Variants in UBXN7 observed in about 807,000 individuals in gnomAD.
UBXN7 encodes UBX domain protein 7, also known as UBX domain-containing protein 7.
In UBXN7, 9 loss-of-function variants were observed where a neutral mutation model predicts 58.0. The observed-to-expected ratio is 0.16, with a 90% CI of 0.09 to 0.27. The LOEUF (loss-of-function observed/expected upper bound fraction) is 0.27. Ranked by LOEUF, UBXN7 falls within the 10% of genes least tolerant of loss-of-function variation. The probability of loss-of-function intolerance (pLI) is 1.00; values close to 1 mark genes in which losing one functional copy is unlikely to be tolerated. For synonymous variants in UBXN7, 208 were observed against 205.0 expected (o/e 1.01, Z -0.12); for missense variants, 328 against 599.6 (o/e 0.55, Z 4.73).
rs994298154 is a variant in UBXN7, at chr3:196,348,706, A to C, written c.*7979T>G. 2 of 152,138 alleles carry C rather than the reference A, an allele frequency of 1.3e-5. No homozygotes were observed. The highest frequency in any genetic ancestry group is 6.6e-5 in the Admixed American group (1 of 15,256). The allele number at this position is 152,138 out of a possible 1,614,324, so 9.4% of individuals were successfully genotyped here. On this transcript the variant is annotated 3_prime_UTR_variant, in exon 11 of 11. Coordinates refer to ENST00000296328, the MANE Select transcript of UBXN7 (RefSeq NM_015562.2). Reference sequence around the variant, plus strand: ...TTTCATTCCTTGATTAACTTCTCTGAGTAAGATGTAAAGTGAGGTTTGGAA... The same window carrying C: ...TTTCATTCCTTGATTAACTTCTCTGCGTAAGATGTAAAGTGAGGTTTGGAA...
intron 5 of UBXN7, among the ~76,000 whole-genome samples, chr3:196,376,786 T>C (rs2108836838): frequency 6.6e-6 from 1 of 152,094 alleles, no homozygotes; most frequent in African/African-American, 2.4e-5. Flanking sequence ...TGGCTCACAC[T>C]GGTAATCTCA....
intron 10 of UBXN7, among the ~76,000 whole-genome samples, chr3:196,360,891 T>C (rs1052729512): frequency 6.6e-6 from 1 of 152,128 alleles, no homozygotes; most frequent in African/African-American, 2.4e-5. Context: ...TGTGGTGATC[T>C]ACTCAGGAGG....
At chr3:196,389,066 C>T (rs1729497792) in intron 5 of UBXN7, among the ~76,000 whole-genome samples, 1 of 152,146 alleles carries the variant, frequency 6.6e-6, no homozygotes, top group Non-Finnish European at 1.5e-5. Context: ...TGCTTTTTCA[C>T]TCCAAAGTGA....
At chr3:196,431,761 T>G in intron 1 of UBXN7, 1 of 442,820 alleles carries the variant, frequency 2.3e-6, no homozygotes, top group South Asian at 1.6e-5. Flanking sequence ...CCCCGTGAAG[T>G]GTAAAGGCAC....
At chr3:196,432,239 G>A (rs1226818095) in intron 1 of UBXN7, 88 bp downstream of exon 1, 2 of 1,542,900 alleles carry the variant, frequency 1.3e-6, no homozygotes, top group African/African-American at 1.4e-5. Context: ...CCCGAAGGAG[G>A]AATGCCTGAA....
rs1245305395 is a variant in UBXN7 at position 196,353,550 on chromosome 3, C to A, written c.*3135G>T. ...TCGCCCAGGCTGGAGTGTAATGGTG[C>A]GATCTTGGCTCACTGCAACCTCTGC... On this transcript the variant is annotated 3_prime_UTR_variant, in exon 11 of 11. Transcript: ENST00000296328. The A allele has an allele frequency of 1.3e-5, 2 of 149,494 alleles. No homozygotes were observed. The highest frequency in any genetic ancestry group is 6.7e-5 in the Admixed American group (1 of 14,902). 9.3% of individuals were successfully genotyped at this position (149,494 alleles called of 1,614,324 possible). A position where few individuals can be genotyped will look rare whatever the true frequency, so the allele number is the denominator to read the frequency against.
rs560947368 is a variant in UBXN7 at position 196,359,069 on chromosome 3, T to C, written c.1309-2223A>G. 3.9e-5 allele frequency among the ~76,000 whole-genome samples: 6 copies of C among 152,274 alleles called. No homozygotes were observed. In the South Asian group the frequency reaches 1.2e-3, roughly 32 times the overall value. On this transcript the variant is annotated intron_variant, in intron 10 of 10. Coordinates refer to ENST00000296328, the MANE Select transcript of UBXN7 (RefSeq NM_015562.2). ...TTCCAACGCCCTGTTTCATTGTGCT[T>C]CAAGTTACTGAAGGTCTGCGGCAAC...
chr3:196,392,155 T>C (rs1179918857), intron 4 of UBXN7, among the ~76,000 whole-genome samples: 4 of 152,144 alleles, frequency 2.6e-5, no homozygotes, highest in Non-Finnish European at 5.9e-5. Context: ...GAAAATTAAC[T>C]GAAAATATTC....
intron 3 of UBXN7, among the ~76,000 whole-genome samples, chr3:196,394,159 A>C (rs780854413): frequency 1.3e-5 from 2 of 152,016 alleles, no homozygotes; most frequent in Non-Finnish European, 1.5e-5. Flanking sequence ...GTGATGGTGC[A>C]TGCCTGTAAT....
intron 10 of UBXN7, 146 bp downstream of exon 10, chr3:196,361,698 G>C (rs1393514670): frequency 3.1e-6 from 2 of 645,502 alleles, no homozygotes; most frequent in Non-Finnish European, 5.1e-6. Context: ...TAAGTTATGT[G>C]CTTTTTTTTA....
chr3:196,426,854 A>G (rs2108627825), intron 1 of UBXN7, among the ~76,000 whole-genome samples: 1 of 152,144 alleles, frequency 6.6e-6, no homozygotes, highest in Middle Eastern at 3.4e-3. Context: ...TCTCAAAAAA[A>G]AAAAAAAGAA....
intron 3 of UBXN7, among the ~76,000 whole-genome samples, chr3:196,401,173 A>G (rs1487514697): frequency 7.0e-6 from 1 of 141,856 alleles, no homozygotes; most frequent in African/African-American, 2.6e-5. Flanking sequence ...GCACTTTGGG[A>G]GGCCGAGGCG....
intron 1 of UBXN7, among the ~76,000 whole-genome samples, chr3:196,429,823 C>T (rs1224515694): frequency 1.3e-5 from 2 of 152,128 alleles, no homozygotes; most frequent in South Asian, 2.1e-4. Flanking sequence ...TATTTTCGCT[C>T]TGTAGATCTC....
At position 196,406,037 on chromosome 3, in the gene UBXN7, T is replaced by G. The variant is rs545429157; in HGVS notation, c.221+1209A>C. Among the ~76,000 whole-genome samples the G allele has an allele frequency of 5.6e-4, 82 of 145,658 alleles. 1 individual carries two copies. Among genetic ancestry groups the G allele is most frequent in the South Asian group, 2.4e-3 (11 of 4,646 alleles). On this transcript the variant is annotated intron_variant, in intron 2 of 10. Transcript: ENST00000296328. The stretch of plus-strand genomic sequence containing the variant: ...TTTTTTGTGTTTTTTTTGTTTTTTG[T>G]TTTTTTTTTGAGACAGGAGGCCTCA...
At chr3:196,430,445 A>G (rs1730992987) in intron 1 of UBXN7, among the ~76,000 whole-genome samples, 1 of 151,752 alleles carries the variant, frequency 6.6e-6, no homozygotes, top group Non-Finnish European at 1.5e-5. Flanking sequence ...GATGGAGCGC[A>G]GTGGTATGAT....
chr3:196,365,740 A>T (rs530071575), intron 8 of UBXN7, among the ~76,000 whole-genome samples: 1 of 152,322 alleles, frequency 6.6e-6, no homozygotes, highest in East Asian at 1.9e-4. Context: ...AAATGAACAA[A>T]TCCCTAGAAA....
At chr3:196,377,934 C>T (rs947449509) in intron 5 of UBXN7, among the ~76,000 whole-genome samples, 2 of 152,142 alleles carry the variant, frequency 1.3e-5, no homozygotes, top group Admixed American at 1.3e-4. Flanking sequence ...AGCCTCCCAC[C>T]AAAGTGCTGG....
chr3:196,425,523 C>T (rs1180092795), intron 1 of UBXN7, among the ~76,000 whole-genome samples: 4 of 152,064 alleles, frequency 2.6e-5, no homozygotes, highest in Non-Finnish European at 5.9e-5. Context: ...TCCCAAAGTG[C>T]GGGAATTATA....
rs139487058 is a variant in UBXN7 at position 196,361,206 on chromosome 3, G to T, written c.1308+638C>A. Reference sequence around the variant, plus strand: ...TGCAAGTGGGGTAAAAACTGCAAGAGAACTAGAATTAGAAGTGGAGGATGG... The same window carrying T: ...TGCAAGTGGGGTAAAAACTGCAAGATAACTAGAATTAGAAGTGGAGGATGG... On this transcript the variant is annotated intron_variant, in intron 10 of 10. Transcript: ENST00000296328. 1.0e-3 allele frequency among the ~76,000 whole-genome samples: 156 copies of T among 152,274 alleles called. 1 individual carries two copies. The highest frequency in any genetic ancestry group is 1.7e-3 in the Non-Finnish European group (118 of 68,028).
Sources: gnomAD v4.1 joint callset for allele counts (sites outside exome capture counted in the v4.1 genomes callset) on GRCh38, gnomAD v4.1.1 for gene constraint, MANE v1.5 for transcripts, NCBI Gene and HGNC (gene_info 2026-07-23, HGNC 2026-07-21) for gene names.